Variants in KRTAP4-7 observed in about 807,000 individuals in gnomAD.
KRTAP4-7 encodes the protein putative keratin-associated protein 4-X.
In KRTAP4-7, 1 loss-of-function variant was observed where a neutral mutation model predicts 3.0. The ratio of observed to expected loss-of-function variants is 0.33; its 90% CI spans 0.12 to 1.57. The LOEUF (loss-of-function observed/expected upper bound fraction) is 1.57. Ranked by LOEUF, KRTAP4-7 falls within the 40% of genes most tolerant of loss-of-function variation. KRTAP4-7 has a pLI of 0.37. For missense variants in KRTAP4-7, 199 were observed against 209.1 expected (o/e 0.95, Z 0.30); for synonymous variants, 70 against 74.6 (o/e 0.94, Z 0.32).
chr17:41,084,189 C>T (rs770837913), exon 1 of KRTAP4-7: 14 of 1,591,470 alleles, frequency 8.8e-6, no homozygotes, highest in Non-Finnish European at 1.1e-5. Context: ...CCACCCAGAT[C>T]CTCCCCGTTC....
At chr17:41,084,226 G>T (rs1275319394) in exon 1 of KRTAP4-7, 1 of 1,608,850 alleles carries the variant, frequency 6.2e-7, no homozygotes, top group East Asian at 2.2e-5. Context: ...TCCTGTTGTG[G>T]CTCCGTGTGC....
exon 1 of KRTAP4-7, chr17:41,084,464 C>A (rs915174322): frequency 6.6e-7 from 1 of 1,517,088 alleles, no homozygotes; most frequent in African/African-American, 1.4e-5. Context: ...GCTGCTGCCG[C>A]CCCAGCTGCT....
exon 1 of KRTAP4-7, chr17:41,084,725 A>G: frequency 6.5e-7 from 1 of 1,536,870 alleles, no homozygotes; most frequent in South Asian, 1.3e-5. Flanking sequence ...ACAGATGTAG[A>G]CCCTTCTACT....
chr17:41,084,511 C>T, exon 1 of KRTAP4-7: 1 of 1,571,762 alleles, frequency 6.4e-7, no homozygotes, highest in Admixed American at 1.7e-5. Context: ...TGCTGCCAGT[C>T]TGTGTGCTGC....
chr17:41,084,351 T>C (rs752287793), exon 1 of KRTAP4-7: 1 of 1,608,510 alleles, frequency 6.2e-7, no homozygotes, highest in Non-Finnish European at 8.5e-7. Context: ...TGTGTCCAGC[T>C]GCTGCAGGCC....
rs1221090411 is a variant in KRTAP4-7, at chr17:41,084,314, G to T, written c.108G>T (p.Arg36Ser). The change falls in exon 1 of 1, where the codon AGG becomes AGT. Residue 36 changes from arginine (R) to serine (S), a missense_variant. Coordinates refer to ENST00000391417, the Ensembl canonical transcript of KRTAP4-7. Reference sequence around the variant, plus strand: ...GCTGCTGTCAGACCACCTGTTGCAGGACCACCTGCTACCGCCCCAGCTGTT... The same window carrying T: ...GCTGCTGTCAGACCACCTGTTGCAGTACCACCTGCTACCGCCCCAGCTGTT... 3.1e-6 allele frequency: 5 copies of T among 1,613,822 alleles called. No individual in the cohort carries two copies. The African/African-American group carries it at 6.7e-5, about 22-fold the overall frequency.
At chr17:41,084,767 T>G in exon 1 of KRTAP4-7, 1 of 1,475,942 alleles carries the variant, frequency 6.8e-7, no homozygotes, top group Non-Finnish European at 9.1e-7. Context: ...GAAGTGGGGT[T>G]GATGTCATTC....
At chr17:41,084,941 C>A (rs373197152) in exon 1 of KRTAP4-7, 7 of 605,826 alleles carry the variant, frequency 1.2e-5, no homozygotes, top group African/African-American at 1.1e-4. Flanking sequence ...TTATTCCAAT[C>A]TTCTGATTTC....
exon 1 of KRTAP4-7, chr17:41,084,884 G>A (rs1446193389): frequency 1.9e-5 from 14 of 745,410 alleles, no homozygotes; most frequent in East Asian, 2.7e-5. Flanking sequence ...TTTTCTTCTG[G>A]TGGTGGCACC....
exon 1 of KRTAP4-7, chr17:41,084,476 TATGTCCAGCTGCTGC>T (rs1567944805): frequency 6.6e-7 from 1 of 1,513,892 alleles, no homozygotes; most frequent in Non-Finnish European, 9.0e-7. Context: ...CCAGCTGCTG[TATGTCCAGCTGCTGC>T]AAGCCCCAGT....
In KRTAP4-7 at chr17:41,084,750, G is replaced by C. The variant is rs1468223239; in HGVS notation, c.*76G>C. ...ACCCTTCTACTGTGCTGACCATTAG[G>C]ATACATGAAGTGGGGTTGATGTCAT... On this transcript the variant is annotated 3_prime_UTR_variant, in exon 1 of 1. Coordinates refer to ENST00000391417, the Ensembl canonical transcript of KRTAP4-7. 11 of 1,496,432 alleles carry C rather than the reference G, an allele frequency of 7.4e-6. No homozygotes were observed. In the East Asian group the frequency reaches 2.2e-4, roughly 30 times the overall value. The allele number at this position is 1,496,432 out of a possible 1,614,324, so 92.7% of individuals were successfully genotyped here. A position where few individuals can be genotyped will look rare whatever the true frequency, so the allele number is the denominator to read the frequency against.
exon 1 of KRTAP4-7, chr17:41,084,790 CT>C: frequency 7.0e-7 from 1 of 1,418,892 alleles, no homozygotes; most frequent in Non-Finnish European, 9.4e-7. Context: ...TAGGATGGAC[CT>C]TATGCTTCCA....
chr17:41,084,229 C>A, exon 1 of KRTAP4-7: 1 of 1,610,266 alleles, frequency 6.2e-7, no homozygotes, highest in Non-Finnish European at 8.5e-7. Context: ...TGTTGTGGCT[C>A]CGTGTGCTCT....
At chr17:41,084,407 C>G in exon 1 of KRTAP4-7, 1 of 1,420,596 alleles carries the variant, frequency 7.0e-7, no homozygotes, top group Non-Finnish European at 9.5e-7. Flanking sequence ...GCTGTCGCCC[C>G]ACCTGCTGTG....
At chr17:41,084,922 G>C in exon 1 of KRTAP4-7, 1 of 624,202 alleles carries the variant, frequency 1.6e-6, no homozygotes. Flanking sequence ...TAATACACTA[G>C]CTAAGAAATT....
chr17:41,084,612 C>A, exon 1 of KRTAP4-7: 1 of 1,600,000 alleles, frequency 6.3e-7, no homozygotes, highest in Non-Finnish European at 8.5e-7. Context: ...CACTTGCTAT[C>A]GCCCAACCTG....
At chr17:41,084,765 G>C in exon 1 of KRTAP4-7, 5 of 1,475,488 alleles carry the variant, frequency 3.4e-6, no homozygotes, top group Non-Finnish European at 4.5e-6. Flanking sequence ...ATGAAGTGGG[G>C]TTGATGTCAT....
At chr17:41,084,797 T>C in exon 1 of KRTAP4-7, 1 of 1,393,048 alleles carries the variant, frequency 7.2e-7, no homozygotes, top group Non-Finnish European at 9.6e-7. Flanking sequence ...GACCTTATGC[T>C]TCCAAAGAGC....
At chr17:41,084,346 C>G in exon 1 of KRTAP4-7, 1 of 1,608,408 alleles carries the variant, frequency 6.2e-7, no homozygotes, top group Non-Finnish European at 8.5e-7. Flanking sequence ...TGTTGTGTGT[C>G]CAGCTGCTGC....
Sources: gnomAD v4.1 joint callset for allele counts on GRCh38, gnomAD v4.1.1 for gene constraint, MANE v1.5 for transcripts, NCBI Gene and HGNC (gene_info 2026-07-23, HGNC 2026-07-21) for gene names.